Variants in DSCAM observed in about 807,000 individuals in gnomAD.
DSCAM encodes the protein DS cell adhesion molecule, also known as cell adhesion molecule DSCAM.
Under a neutral mutation model 217.7 loss-of-function variants are expected in DSCAM, and 47 were observed. That is an observed-to-expected ratio of 0.22 (90% confidence interval 0.17 to 0.28). The LOEUF is 0.28. DSCAM is among the 10% of genes least tolerant of loss of function. DSCAM has a pLI of 1.00. For missense variants in DSCAM, 2,080 were observed against 2,618.3 expected, an observed-to-expected ratio of 0.79 and a Z score of 4.49; for synonymous variants, 1,056 against 1,015.3, an observed-to-expected ratio of 1.04 and a Z score of -0.76.
chr21:40,706,196 AG>A (rs373480527), intron 2 of DSCAM, among the ~76,000 whole-genome samples: 5,379 of 142,968 alleles, frequency 0.038, 128 homozygotes, highest in East Asian at 0.078. Flanking sequence ...AAAAAAAAAA[AG>A]AAAGAAAGAA....
At position 40,187,174 on chromosome 21, in the gene DSCAM, G is replaced by A. The variant is rs1457998385; in HGVS notation, c.2736C>T (p.Asn912=). 1.2e-6 allele frequency: 2 copies of A among 1,613,982 alleles called. No homozygotes were observed. Among genetic ancestry groups the A allele is most frequent in the Non-Finnish European group, 1.7e-6 (2 of 1,179,978 alleles). Residue 912 remains asparagine, a synonymous_variant, in exon 14 of 33, where the codon AAC becomes AAT. Coordinates refer to ENST00000400454, the MANE Select transcript of DSCAM (RefSeq NM_001389.5). The part of the protein sequence containing the change: ...TLRWTMGFDG[N]SPITGYDIEC... ...CAATATCGTAGCCTGTGATGGGACTGTTTCCATCAAACCCCATGGTCCACC... is the reference window on the plus strand; with the variant it reads ...CAATATCGTAGCCTGTGATGGGACTATTTCCATCAAACCCCATGGTCCACC...
At chr21:40,500,367 CT>C (rs1432185364) in intron 3 of DSCAM, among the ~76,000 whole-genome samples, 1 of 152,060 alleles carries the variant, frequency 6.6e-6, no homozygotes, top group Non-Finnish European at 1.5e-5. Flanking sequence ...GTCTTTATGT[CT>C]TTCAACTGAT....
chr21:40,805,865 C>G (rs867578810), intron 1 of DSCAM, among the ~76,000 whole-genome samples: 7 of 152,004 alleles, frequency 4.6e-5, no homozygotes, highest in Admixed American at 3.9e-4. Context: ...CCTGCCACCA[C>G]GCCTAGCTAA....
chr21:40,191,571 TA>T (rs2090953250), intron 11 of DSCAM, among the ~76,000 whole-genome samples: 5 of 152,238 alleles, frequency 3.3e-5, no homozygotes, highest in Non-Finnish European at 7.3e-5. Context: ...TCACCTGTTT[TA>T]AGTGTGCAAT....
intron 11 of DSCAM, among the ~76,000 whole-genome samples, chr21:40,232,759 T>A (rs2091393248): frequency 6.6e-6 from 1 of 152,166 alleles, no homozygotes; most frequent in Non-Finnish European, 1.5e-5. Context: ...TTTAAATATA[T>A]AATTAAGTAA....
At chr21:40,757,160 A>G (rs2091284998) in intron 1 of DSCAM, among the ~76,000 whole-genome samples, 1 of 152,016 alleles carries the variant, frequency 6.6e-6, no homozygotes, top group Non-Finnish European at 1.5e-5. Context: ...AGTAGCTGGG[A>G]CTACAGGTGC....
At chr21:40,802,846 T>C (rs1026285138) in intron 1 of DSCAM, among the ~76,000 whole-genome samples, 1 of 152,186 alleles carries the variant, frequency 6.6e-6, no homozygotes, top group Non-Finnish European at 1.5e-5. Context: ...TTCCTTTTCT[T>C]TATAAATTAC....
In DSCAM at chr21:40,052,055, C is replaced by T; in HGVS notation, c.5088G>A (p.Lys1696=). 1 of 1,614,172 alleles carries T rather than the reference C, an allele frequency of 6.2e-7. No homozygotes were observed. The highest frequency in any genetic ancestry group is 8.5e-7 in the Non-Finnish European group (1 of 1,180,036). ...LTDADFGEAA[K]QKSLTVTHTV... ...TGTGAGTGACCGTCAGGGACTTCTG[C>T]TTAGCTGCCTCTCCAAAGTCAGCAT... Residue 1696 remains lysine (K), a synonymous_variant, in exon 30 of 33, where the codon AAG becomes AAA. Coordinates refer to ENST00000400454, the MANE Select transcript of DSCAM (RefSeq NM_001389.5).
chr21:40,395,286 A>G (rs2075168844), intron 3 of DSCAM, among the ~76,000 whole-genome samples: 1 of 151,856 alleles, frequency 6.6e-6, no homozygotes, highest in Non-Finnish European at 1.5e-5. Flanking sequence ...AAATTTAAAG[A>G]CAAGAAATTT....
intron 25 of DSCAM, among the ~76,000 whole-genome samples, chr21:40,079,666 T>C (rs2089423783): frequency 6.6e-6 from 1 of 152,064 alleles, no homozygotes; most frequent in Non-Finnish European, 1.5e-5. Flanking sequence ...AAAACCTCTT[T>C]CTCTGAATAT....
intron 3 of DSCAM, among the ~76,000 whole-genome samples, chr21:40,647,931 C>T (rs924880062): frequency 2.6e-5 from 4 of 152,100 alleles, no homozygotes; most frequent in East Asian, 1.9e-4. Flanking sequence ...CAAACAGTGA[C>T]GCTGAGTGGG....
intron 3 of DSCAM, among the ~76,000 whole-genome samples, chr21:40,668,947 A>G (rs1023630809): frequency 1.3e-5 from 2 of 152,178 alleles, no homozygotes; most frequent in African/African-American, 4.8e-5. Flanking sequence ...AAAAGATTGT[A>G]TTGAGTTCAG....
chr21:40,845,963 A>C lies in DSCAM; in HGVS notation c.43+656T>G, dbSNP rs1392824847. Among the ~76,000 whole-genome samples the C allele has an allele frequency of 2.0e-5, 3 of 152,106 alleles. No homozygotes were observed. In the East Asian group the frequency reaches 5.8e-4, roughly 29 times the overall value. On this transcript the variant is annotated intron_variant, in intron 1 of 32. Transcript: ENST00000400454. The stretch of plus-strand genomic sequence containing the variant: ...GCATGAGGAAATGTATGCTATTTAC[A>C]ATATTCACTGATTTCATTTTTACAA...
chr21:40,472,454 T>C (rs986730541), intron 3 of DSCAM, among the ~76,000 whole-genome samples: 1 of 152,232 alleles, frequency 6.6e-6, no homozygotes, highest in African/African-American at 2.4e-5. Flanking sequence ...CATATATAAA[T>C]TCTAATTTTC....
At chr21:40,373,715 A>G (rs2074922170) in intron 3 of DSCAM, among the ~76,000 whole-genome samples, 1 of 152,180 alleles carries the variant, frequency 6.6e-6, no homozygotes, top group Non-Finnish European at 1.5e-5. Flanking sequence ...AAATTAAAAG[A>G]TTTTCCCTGG....
intron 3 of DSCAM, among the ~76,000 whole-genome samples, chr21:40,573,015 T>A (rs956655834): frequency 3.9e-5 from 6 of 152,054 alleles, no homozygotes; most frequent in African/African-American, 1.2e-4. Context: ...CATGAAAAAT[T>A]CCCCAGCAAA....
intron 3 of DSCAM, among the ~76,000 whole-genome samples, chr21:40,682,201 G>A (rs2090409335): frequency 6.6e-6 from 1 of 152,108 alleles, no homozygotes; most frequent in African/African-American, 2.4e-5. Flanking sequence ...GGATGCGGGG[G>A]AGTGAATAAG....
chr21:40,375,524 T>C (rs1187037934), intron 3 of DSCAM, among the ~76,000 whole-genome samples: 1 of 152,208 alleles, frequency 6.6e-6, no homozygotes, highest in Non-Finnish European at 1.5e-5. Context: ...CTGGCCTCAG[T>C]TTTTAAGTCA....
At chr21:40,510,111 G>C (rs866271173) in intron 3 of DSCAM, among the ~76,000 whole-genome samples, 51 of 152,146 alleles carry the variant, frequency 3.4e-4, no homozygotes, top group African/African-American at 1.1e-3. Context: ...GTGACAGAGC[G>C]AGACTCCATC....
Sources: gnomAD v4.1 joint callset for allele counts (sites outside exome capture counted in the v4.1 genomes callset) on GRCh38, gnomAD v4.1.1 for gene constraint, MANE v1.5 for transcripts, NCBI Gene and HGNC (gene_info 2026-07-23, HGNC 2026-07-21) for gene names.